Variants in DPYD observed in about 807,000 individuals in gnomAD.
DPYD encodes the protein dihydropyrimidine dehydrogenase [NADP(+)].
In DPYD, 109 loss-of-function variants were observed where a neutral mutation model predicts 116.2. The ratio of observed to expected loss-of-function variants is 0.94; its 90% CI spans 0.80 to 1.10. The LOEUF (loss-of-function observed/expected upper bound fraction) is 1.10, where lower values mean the gene tolerates loss of function less well. DPYD is among the 50% of genes least tolerant of loss of function. The pLI is 0.00. For synonymous variants in DPYD, 440 were observed against 432.0 expected (o/e 1.02, Z -0.23); for missense variants, 1,302 against 1,254.5 (o/e 1.04, Z -0.57).
chr1:97,850,448 C>T (rs1467164527), intron 2 of DPYD, among the ~76,000 whole-genome samples: 1 of 152,090 alleles, frequency 6.6e-6, no homozygotes, highest in East Asian at 1.9e-4. Context: ...TTTATTAGTA[C>T]ATTATTCACT....
intron 9 of DPYD, 104 bp downstream of exon 9, chr1:97,594,955 G>T: frequency 1.1e-6 from 1 of 901,320 alleles, no homozygotes; most frequent in Non-Finnish European, 1.7e-6. Flanking sequence ...GGCAAGGTTG[G>T]GTGTGAGAGC....
chr1:97,822,605 G>C (rs367720146), intron 3 of DPYD, among the ~76,000 whole-genome samples: 2 of 151,896 alleles, frequency 1.3e-5, no homozygotes, highest in Admixed American at 1.3e-4. Flanking sequence ...ACAAAAAAAA[G>C]TATGTTTGTT....
intron 18 of DPYD, among the ~76,000 whole-genome samples, chr1:97,268,720 C>T (rs1664388298): frequency 2.0e-5 from 3 of 152,056 alleles, no homozygotes; most frequent in Admixed American, 6.6e-5. Flanking sequence ...ATGCTGAGGT[C>T]CGATATGAGC....
intron 13 of DPYD, among the ~76,000 whole-genome samples, chr1:97,453,025 A>G (rs1676503002): frequency 6.6e-6 from 1 of 151,844 alleles, no homozygotes; most frequent in African/African-American, 2.4e-5. Context: ...GCTTCTTCTG[A>G]TCCTTCAGGG....
intron 20 of DPYD, among the ~76,000 whole-genome samples, chr1:97,142,611 A>C (rs1404258960): frequency 6.6e-6 from 1 of 152,254 alleles, no homozygotes. Context: ...AGTAGACTTA[A>C]AACACTGTTA....
At chr1:97,606,833 C>A (rs1655631236) in intron 8 of DPYD, among the ~76,000 whole-genome samples, 6 of 151,888 alleles carry the variant, frequency 4.0e-5, no homozygotes, top group Admixed American at 1.3e-4. Flanking sequence ...AGGAAAACTT[C>A]TCTTCTTCTT....
chr1:97,508,070 C>G (rs1647484152), intron 13 of DPYD, among the ~76,000 whole-genome samples: 1 of 151,968 alleles, frequency 6.6e-6, no homozygotes, highest in East Asian at 1.9e-4. Flanking sequence ...ACTGGGCATG[C>G]TGTAGTGAGC....
At chr1:97,092,158 A>T (rs1353417962) in intron 21 of DPYD, among the ~76,000 whole-genome samples, 1 of 152,110 alleles carries the variant, frequency 6.6e-6, no homozygotes, top group Non-Finnish European at 1.5e-5. Context: ...CTGACATATT[A>T]TGTATTCATC....
chr1:97,679,037 T>C, intron 8 of DPYD, 58 bp downstream of exon 8: 1 of 814,102 alleles, frequency 1.2e-6, no homozygotes. Flanking sequence ...CTTCTGGATA[T>C]TGCTAGGAAA....
chr1:97,736,323 A>G lies in DPYD; in HGVS notation c.321+4069T>C, dbSNP rs140115195. On this transcript the variant is annotated intron_variant, in intron 4 of 22. Coordinates refer to ENST00000370192, the MANE Select transcript of DPYD (RefSeq NM_000110.4). ...ATAATCATTGCCAACCCTGAATTCT[A>G]TAATTAGTGAAAAAACTTTTCAAAA... Among the ~76,000 whole-genome samples the G allele has an allele frequency of 7.0e-3, 1,059 of 152,058 alleles. 30 individuals carry two copies. Among genetic ancestry groups the G allele is most frequent in the Non-Finnish European group, 4.8e-3 (323 of 67,968 alleles).
intron 2 of DPYD, among the ~76,000 whole-genome samples, chr1:97,872,917 A>G (rs1375761998): frequency 6.6e-6 from 1 of 151,798 alleles, no homozygotes; most frequent in Non-Finnish European, 1.5e-5. Flanking sequence ...ATGCTCCCCC[A>G]TCTTCGGACT....
At chr1:97,197,160 CTG>C (rs1306098721) in intron 19 of DPYD, among the ~76,000 whole-genome samples, 6 of 152,118 alleles carry the variant, frequency 3.9e-5, no homozygotes, top group Admixed American at 1.3e-4. Context: ...TTAAAAAAAT[CTG>C]TTTCTCAGGA....
At chr1:97,217,668 A>T (rs1333633828) in intron 19 of DPYD, among the ~76,000 whole-genome samples, 1 of 151,664 alleles carries the variant, frequency 6.6e-6, no homozygotes, top group Non-Finnish European at 1.5e-5. Context: ...TGTCAACCGC[A>T]TGGCTAGAAT....
intron 16 of DPYD, among the ~76,000 whole-genome samples, chr1:97,345,582 G>A (rs958894079): frequency 2.6e-5 from 4 of 151,774 alleles, no homozygotes; most frequent in Admixed American, 2.6e-4. Context: ...GGTGACTGTC[G>A]GGATGCGAGA....
rs564737102 is a variant in DPYD, at chr1:97,285,967, T to C, written c.2299+19292A>G. 7.2e-5 allele frequency among the ~76,000 whole-genome samples: 11 copies of C among 152,314 alleles called. No individual in the cohort carries two copies. In the East Asian group the frequency reaches 2.1e-3, roughly 29 times the overall value. ...TGTGAATTTGATCCTGTCATTATGA[T>C]GTTAGCTGGTTATTTTGCTCATTAA... On this transcript the variant is annotated intron_variant, in intron 18 of 22. Transcript: ENST00000370192.
chr1:97,398,024 T>G (rs1673112722), intron 14 of DPYD, among the ~76,000 whole-genome samples: 2 of 151,908 alleles, frequency 1.3e-5, no homozygotes, highest in Non-Finnish European at 2.9e-5. Context: ...TATACATGTG[T>G]CCATGTTGGT....
intron 1 of DPYD, among the ~76,000 whole-genome samples, chr1:97,893,659 G>A (rs745410167): frequency 4.0e-5 from 6 of 150,890 alleles, no homozygotes; most frequent in Non-Finnish European, 5.9e-5. Flanking sequence ...TCATCATATC[G>A]CCTGGAATAT....
chr1:97,587,826 AAAAAAAAAAAAAG>A (rs1323643579), intron 10 of DPYD, among the ~76,000 whole-genome samples: 109 of 147,770 alleles, frequency 7.4e-4, no homozygotes, highest in African/African-American at 2.4e-3. Flanking sequence ...TCCATCTCCA[AAAAAAAAAAAAAG>A]AAAAAAAAAA....
chr1:97,642,854 A>C (rs1250223160), intron 8 of DPYD, among the ~76,000 whole-genome samples: 1 of 151,810 alleles, frequency 6.6e-6, no homozygotes, highest in East Asian at 1.9e-4. Flanking sequence ...CACATTGTGC[A>C]CATGTACCCT....
Sources: gnomAD v4.1 joint callset for allele counts (sites outside exome capture counted in the v4.1 genomes callset) on GRCh38, gnomAD v4.1.1 for gene constraint, MANE v1.5 for transcripts, NCBI Gene and HGNC (gene_info 2026-07-23, HGNC 2026-07-21) for gene names.